Variants in PIK3C2B observed in about 807,000 individuals in gnomAD.
PIK3C2B encodes the protein phosphatidylinositol-4-phosphate 3-kinase catalytic subunit type 2 beta, also known as phosphatidylinositol 4-phosphate 3-kinase C2 domain-containing subunit beta.
A neutral mutation model predicts 184.3 loss-of-function variants in PIK3C2B; 83 were observed. The observed-to-expected ratio is 0.45, with a 90% CI of 0.38 to 0.54. PIK3C2B has a LOEUF of 0.54. Among genes scored for constraint, PIK3C2B ranks in the 20% least tolerant of loss-of-function variants. The pLI is 0.00. For missense variants in PIK3C2B, 1,736 were observed against 2,113.5 expected (o/e 0.82, Z 3.50); for synonymous variants, 779 against 837.6 (o/e 0.93, Z 1.21).
chr1:204,494,022 A>G (rs964295984), intron 1 of PIK3C2B, among the ~76,000 whole-genome samples: 3 of 152,220 alleles, frequency 2.0e-5, no homozygotes, highest in African/African-American at 7.2e-5. Context: ...CCCCAAAGCC[A>G]TTGACTGGTT....
intron 2 of PIK3C2B, chr1:204,466,995 G>A (rs1472070699): frequency 4.0e-6 from 2 of 502,136 alleles, no homozygotes; most frequent in Non-Finnish European, 8.2e-6. Context: ...CCAGCAGGCT[G>A]AGCCCCTGCA....
At chr1:204,430,501 G>A (rs1034926197) in intron 28 of PIK3C2B, among the ~76,000 whole-genome samples, 15 of 145,208 alleles carry the variant, frequency 1.0e-4, no homozygotes, top group Non-Finnish European at 1.7e-4. Flanking sequence ...ACACACCACC[G>A]CACCCAGCTA....
At chr1:204,443,745 A>G (rs901522533) in intron 18 of PIK3C2B, 148 bp from the exon 19 acceptor site, 2 of 705,594 alleles carry the variant, frequency 2.8e-6, no homozygotes, top group Non-Finnish European at 4.9e-6. Flanking sequence ...TACGGCTCAT[A>G]TGGAGATGCT....
At chr1:204,444,975 G>C (rs889148793) in intron 16 of PIK3C2B, among the ~76,000 whole-genome samples, 1 of 152,180 alleles carries the variant, frequency 6.6e-6, no homozygotes, top group East Asian at 1.9e-4. Flanking sequence ...AGAGTGGCGA[G>C]AAATAAGCAG....
intron 26 of PIK3C2B, among the ~76,000 whole-genome samples, chr1:204,432,916 C>T (rs1410156646): frequency 1.4e-4 from 21 of 152,194 alleles, no homozygotes; most frequent in Non-Finnish European, 1.5e-5. Context: ...TACCTAAAAA[C>T]ATTGTCAAAT....
intron 1 of PIK3C2B, among the ~76,000 whole-genome samples, chr1:204,474,685 C>G (rs569098674): frequency 3.9e-5 from 6 of 152,070 alleles, no homozygotes; most frequent in African/African-American, 7.2e-5. Flanking sequence ...AACTCTACCC[C>G]CTCTGCTTGG....
intron 1 of PIK3C2B, among the ~76,000 whole-genome samples, chr1:204,487,719 T>C (rs1223420338): frequency 6.6e-6 from 1 of 152,208 alleles, no homozygotes; most frequent in African/African-American, 2.4e-5. Context: ...TAAGACTATA[T>C]ATTAAGACGC....
intron 1 of PIK3C2B, among the ~76,000 whole-genome samples, chr1:204,475,661 T>G (rs1172427182): frequency 6.6e-6 from 1 of 152,150 alleles, no homozygotes; most frequent in Non-Finnish European, 1.5e-5. Flanking sequence ...TGGGATTCCT[T>G]GATTCCAACC....
At chr1:204,479,193 C>T (rs1485213225) in intron 1 of PIK3C2B, among the ~76,000 whole-genome samples, 1 of 152,164 alleles carries the variant, frequency 6.6e-6, no homozygotes, top group Non-Finnish European at 1.5e-5. Flanking sequence ...TATTTCTAAC[C>T]CAGGAATCAT....
rs41302123 is a variant in PIK3C2B at position 204,439,007 on chromosome 1, G to C, written c.3444C>G (p.Thr1148=). ...CCAGGGGCCGGTCCTTGAACGAGCC[G>C]GTCACCCCATGCTCCACCTGGATCT... The part of the protein sequence containing the change: ...LRKIQVEHGV[T]GSFKDRPLAD... Residue 1148 remains threonine, a synonymous_variant, in exon 23 of 33, where the codon ACC becomes ACG. Coordinates refer to ENST00000684373, the MANE Select transcript of PIK3C2B (RefSeq NM_001377334.1). 6.2e-7 allele frequency: 1 copy of C among 1,613,962 alleles called. No homozygotes were observed. Among genetic ancestry groups the C allele is most frequent in the South Asian group, 1.1e-5 (1 of 91,064 alleles).
intron 1 of PIK3C2B, among the ~76,000 whole-genome samples, chr1:204,473,858 G>A (rs984994715): frequency 6.6e-6 from 1 of 152,044 alleles, no homozygotes; most frequent in Non-Finnish European, 1.5e-5. Flanking sequence ...AATGCTCCAT[G>A]GATTTCCCTT....
At chr1:204,440,170 C>A (rs766610214) in intron 22 of PIK3C2B, 22 bp downstream of exon 22, 1 of 1,604,758 alleles carries the variant, frequency 6.2e-7, no homozygotes, top group East Asian at 2.3e-5. Context: ...CTCCTCCACC[C>A]TCACCCCTAC....
intron 1 of PIK3C2B, among the ~76,000 whole-genome samples, chr1:204,480,038 C>T (rs532560441): frequency 6.6e-6 from 1 of 152,242 alleles, no homozygotes; most frequent in East Asian, 1.9e-4. Flanking sequence ...CGGGCTAACC[C>T]ATCCAGGTCT....
Position 204,431,751 on chromosome 1 carries a change from T to G in PIK3C2B, c.4198A>C (p.Thr1400Pro), listed in dbSNP as rs147596817. 2.9e-5 allele frequency: 47 copies of G among 1,614,060 alleles called. No individual in the cohort carries two copies. Among genetic ancestry groups the G allele is most frequent in the Non-Finnish European group, 3.8e-5 (45 of 1,180,020 alleles). The stretch of plus-strand genomic sequence containing the variant: ...TCCTCAAAGGTCCGCTGGATGTAGG[T>G]GGCCTCGTGAGTGTTCTCTCGCATC... ...KVMRENTHEA[T>P]YIQRTFEEFQ... is the part of the protein sequence containing the mutation. Residue 1400 changes from threonine (T) to proline (P), a missense_variant, in exon 28 of 33, where the codon ACC becomes CCC. Thr to Pro is a conservative substitution (Grantham distance 38). Transcript: ENST00000684373.
At chr1:204,488,472 T>C (rs1332926844) in intron 1 of PIK3C2B, among the ~76,000 whole-genome samples, 2 of 152,198 alleles carry the variant, frequency 1.3e-5, no homozygotes, top group Non-Finnish European at 2.9e-5. Context: ...TAATTCTTAG[T>C]GAACTACTCT....
Position 204,468,890 on chromosome 1 carries a change from G to A in PIK3C2B, c.913C>T (p.Arg305Cys), listed in dbSNP as rs775217397. The stretch of plus-strand genomic sequence containing the variant: ...CTCACCGGGGCTGCAGAAATCCGGC[G>A]GTTCTTGCCAGGCGTCGCATTCTTT... Reference protein sequence around the residue: ...NRKNATPGKNRRISAAPVGSR... With the variant: ...NRKNATPGKNCRISAAPVGSR... The change falls in exon 2 of 33, where the codon CGC (arginine) becomes TGC (cysteine). Residue 305 changes from arginine (R) to cysteine (C), a missense_variant. Physicochemically the swap from Arg to Cys is radical, Grantham distance 180. This residue lies in a region of PIK3C2B where 404 missense variants were observed against 418.0 expected (regional missense o/e 0.97). Transcript: ENST00000684373. 39 of 1,591,756 alleles carry A rather than the reference G, an allele frequency of 2.5e-5. No individual in the cohort carries two copies. Among genetic ancestry groups the A allele is most frequent in the Non-Finnish European group, 3.3e-5 (38 of 1,167,942 alleles).
At position 204,424,657 on chromosome 1, in the gene PIK3C2B, T is replaced by A. The variant is rs1258740464; in HGVS notation, c.*195A>T. On this transcript the variant is annotated 3_prime_UTR_variant, in exon 33 of 33. Coordinates refer to ENST00000684373, the MANE Select transcript of PIK3C2B (RefSeq NM_001377334.1). ...GCTGCTCATCACAACCAACCCAAGT[T>A]CAGTCTCCAGAGGAAGAGACAGCAG... 1 of 754,386 alleles carries A rather than the reference T, an allele frequency of 1.3e-6. No individual in the cohort carries two copies. The highest frequency in any genetic ancestry group is 1.7e-5 in the Admixed American group (1 of 58,444). 46.7% of individuals were successfully genotyped at this position (754,386 alleles called of 1,614,324 possible).
intron 21 of PIK3C2B, 100 bp from the exon 22 acceptor site, chr1:204,440,421 G>T: frequency 7.8e-7 from 1 of 1,288,152 alleles, no homozygotes. Context: ...ACAGTGACAG[G>T]GAGTTCCCCA....
At chr1:204,427,210 T>C (rs946051881) in intron 31 of PIK3C2B, among the ~76,000 whole-genome samples, 1 of 152,316 alleles carries the variant, frequency 6.6e-6, no homozygotes, top group Non-Finnish European at 1.5e-5. Flanking sequence ...TTAGTAATTA[T>C]CTACTACTGC....
Sources: allele counts gnomAD v4.1 joint callset (sites outside exome capture counted in the v4.1 genomes callset), GRCh38; gene constraint gnomAD v4.1.1; regional missense constraint gnomAD v4.1.1; transcripts MANE v1.5; gene names NCBI Gene and HGNC (gene_info 2026-07-23, HGNC 2026-07-21).